Variants in HFM1 observed in about 807,000 individuals in gnomAD.
The protein encoded by HFM1 is helicase for meiosis 1.
HFM1 carries 169 observed loss-of-function variants against 192.1 expected under a neutral mutation model. The observed-to-expected ratio is 0.88, with a 90% CI of 0.78 to 1.00. The LOEUF (loss-of-function observed/expected upper bound fraction) is 1.00, where lower values mean the gene tolerates loss of function less well. HFM1 is among the 50% of genes least tolerant of loss of function. The probability of loss-of-function intolerance (pLI) is 0.00; values close to 1 mark genes in which losing one functional copy is unlikely to be tolerated. For synonymous variants in HFM1, 525 were observed against 537.8 expected, an observed-to-expected ratio of 0.98 and a Z score of 0.33; for missense variants, 1,661 against 1,668.0, an observed-to-expected ratio of 1.00 and a Z score of 0.07.
At chr1:91,277,087 T>C (rs1249826947) in intron 30 of HFM1, 25 bp from the exon 31 acceptor site, 3 of 1,284,350 alleles carry the variant, frequency 2.3e-6, no homozygotes, top group Admixed American at 1.9e-5. Context: ...GAAAAACAAA[T>C]CCATTTGTCA....
intron 19 of HFM1, 55 bp downstream of exon 19, chr1:91,347,374 G>A (rs534642987): frequency 1.1e-5 from 11 of 982,930 alleles, no homozygotes; most frequent in Middle Eastern, 2.5e-4. Flanking sequence ...CACAATAACT[G>A]AACTTTTTCA....
At chr1:91,329,800 T>C (rs1236737238) in intron 20 of HFM1, among the ~76,000 whole-genome samples, 4 of 152,144 alleles carry the variant, frequency 2.6e-5, no homozygotes, top group Non-Finnish European at 4.4e-5. Flanking sequence ...ATGAAAGTGA[T>C]AGATAGCAAC....
At chr1:91,305,041 A>C (rs1222931182) in intron 30 of HFM1, among the ~76,000 whole-genome samples, 1 of 152,150 alleles carries the variant, frequency 6.6e-6, no homozygotes, top group Non-Finnish European at 1.5e-5. Flanking sequence ...TATTATTATG[A>C]CAGCACCACC....
intron 13 of HFM1, among the ~76,000 whole-genome samples, chr1:91,363,684 G>A (rs1251522393): frequency 6.6e-6 from 1 of 151,994 alleles, no homozygotes; most frequent in African/African-American, 2.4e-5. Context: ...CCCATTACTG[G>A]GTATATACCC....
chr1:91,343,689 A>G (rs1655712683), intron 19 of HFM1, among the ~76,000 whole-genome samples, 179 bp from the exon 20 acceptor site: 1 of 152,228 alleles, frequency 6.6e-6, no homozygotes, highest in South Asian at 2.1e-4. Context: ...CTAATATGCT[A>G]AAAACATTTT....
upstream of HFM1, among the ~76,000 whole-genome samples, chr1:91,406,796 T>G (rs374898408): frequency 4.6e-5 from 7 of 152,268 alleles, no homozygotes; most frequent in South Asian, 2.1e-4. Flanking sequence ...GAAAAATGAC[T>G]CAGACCCTCT....
chr1:91,329,246 C>T, intron 20 of HFM1: 2 of 1,609,486 alleles, frequency 1.2e-6, no homozygotes, highest in Non-Finnish European at 1.7e-6. Flanking sequence ...AGGTGCTGGG[C>T]CCAGAGTCTG....
chr1:91,327,344 C>G (rs1653067809), intron 20 of HFM1, among the ~76,000 whole-genome samples: 1 of 152,150 alleles, frequency 6.6e-6, no homozygotes, highest in Non-Finnish European at 1.5e-5. Flanking sequence ...GGCAAAACCC[C>G]ATCTCTACCA....
chr1:91,315,856 T>A lies in HFM1; in HGVS notation c.3099A>T (p.Ile1033=), dbSNP rs281992. Residue 1033 remains isoleucine (I), a synonymous_variant, in exon 28 of 39, where the codon ATA becomes ATT. Transcript: ENST00000370425. The part of the protein sequence containing the change: ...ASDSHYVTLI[I]GDADNQVVYL... ...AAACTACTTGATTATCTGCGTCACC[T>A]ATGATTAAGGTAACATAGTGAGAAT... is the stretch of plus-strand genomic sequence containing the variant. 11 of 1,609,530 alleles carry A rather than the reference T, an allele frequency of 6.8e-6. No individual in the cohort carries two copies. Among genetic ancestry groups the A allele is most frequent in the African/African-American group, 4.0e-5 (3 of 74,692 alleles).
In HFM1 at chr1:91,343,495, T is replaced by C. The variant is rs748828981; in HGVS notation, c.2270A>G (p.Asn757Ser). ...GTCCAGGGATGATAAATCATTCAGA[T>C]TCTTCAAACATAATTCTGTTTAATT... ...EAKLQELCLK[N>S]LNDLSSLDLI... The change falls in exon 20 of 39, where the codon AAT (asparagine) becomes AGT (serine). Residue 757 changes from asparagine to serine, a missense_variant. By Grantham distance (46) the Asn-to-Ser change is conservative (BLOSUM62 1). Transcript: ENST00000370425. 7.2e-7 allele frequency: 1 copy of C among 1,391,052 alleles called. No homozygotes were observed. The highest frequency in any genetic ancestry group is 2.4e-5 in the East Asian group (1 of 41,350). 86.2% of individuals were successfully genotyped at this position (1,391,052 alleles called of 1,614,324 possible).
At chr1:91,328,261 C>T (rs994833083) in intron 20 of HFM1, 9 of 693,316 alleles carry the variant, frequency 1.3e-5, no homozygotes, top group East Asian at 6.1e-5. Context: ...TCAGGCGACC[C>T]GCAGCTAAGC....
At chr1:91,308,533 CTT>C (rs1429930350) in intron 30 of HFM1, among the ~76,000 whole-genome samples, 1 of 151,988 alleles carries the variant, frequency 6.6e-6, no homozygotes, top group African/African-American at 2.4e-5. Context: ...TTATTTTATA[CTT>C]TTTTTAAAGA....
intron 30 of HFM1, among the ~76,000 whole-genome samples, chr1:91,305,296 C>T (rs946388830): frequency 3.3e-5 from 5 of 152,162 alleles, no homozygotes; most frequent in South Asian, 2.1e-4. Flanking sequence ...TTTCAATCCA[C>T]GAACATAAAA....
At position 91,332,187 on chromosome 1, in the gene HFM1, T is replaced by C. The variant is rs552951965; in HGVS notation, c.2336-7421A>G. 2.6e-5 allele frequency among the ~76,000 whole-genome samples: 4 copies of C among 152,188 alleles called. No homozygotes were observed. The South Asian group carries it at 8.3e-4, about 32-fold the overall frequency. ...AAAGAACAAAACTGGAGGAATTACA[T>C]TACCTGATTTCAAACTATACTACAG... is the stretch of plus-strand genomic sequence containing the variant. On this transcript the variant is annotated intron_variant, in intron 20 of 38. Coordinates refer to ENST00000370425, the MANE Select transcript of HFM1 (RefSeq NM_001017975.6).
intron 30 of HFM1, among the ~76,000 whole-genome samples, chr1:91,283,909 GTAT>G (rs1667692668): frequency 6.6e-6 from 1 of 151,756 alleles, no homozygotes; most frequent in Non-Finnish European, 1.5e-5. Context: ...AGCTACTGGA[GTAT>G]TTTTTTAGTA....
chr1:91,388,871 G>A (rs1347304031), intron 4 of HFM1, among the ~76,000 whole-genome samples: 2 of 152,194 alleles, frequency 1.3e-5, no homozygotes, highest in Middle Eastern at 3.4e-3. Context: ...ACAGAATGGG[G>A]GAAATACTTG....
rs1441520017 is a variant in HFM1, at chr1:91,380,238, T to TA, written c.874-3dup. On this transcript the variant is annotated splice_polypyrimidine_tract_variant and splice_region_variant and intron_variant, in intron 7 of 38. Coordinates refer to ENST00000370425, the MANE Select transcript of HFM1 (RefSeq NM_001017975.6). ...AAAATTCCTATCTGTGTAAAGAAGC[T>TA]AAAAAATAAAAAGTAATCAATCATG... The TA allele has an allele frequency of 6.6e-7, 1 of 1,508,730 alleles. No homozygotes were observed. The highest frequency in any genetic ancestry group is 8.9e-7 in the Non-Finnish European group (1 of 1,123,372). The allele number at this position is 1,508,730 out of a possible 1,614,324, so 93.5% of individuals were successfully genotyped here. A position where few individuals can be genotyped will look rare whatever the true frequency, so the allele number is the denominator to read the frequency against.
upstream of HFM1, among the ~76,000 whole-genome samples, chr1:91,407,625 T>G (rs554675763): frequency 1.3e-5 from 2 of 152,360 alleles, no homozygotes; most frequent in African/African-American, 4.8e-5. Context: ...ATATACCACA[T>G]TTTGTTTATC....
intron 4 of HFM1, among the ~76,000 whole-genome samples, chr1:91,390,388 A>G (rs1389767368): frequency 6.6e-6 from 1 of 150,676 alleles, no homozygotes; most frequent in African/African-American, 2.4e-5. Flanking sequence ...GCGAACCAAG[A>G]TCACACCACT....
Sources: gnomAD v4.1 joint callset for allele counts (sites outside exome capture counted in the v4.1 genomes callset) on GRCh38, gnomAD v4.1.1 for gene constraint, MANE v1.5 for transcripts, NCBI Gene and HGNC (gene_info 2026-07-23, HGNC 2026-07-21) for gene names.